RHEB: variants seen among roughly 807,000 people sequenced by gnomAD.
The protein encoded by RHEB is Ras homolog, mTORC1 binding.
RHEB carries 2 observed loss-of-function variants against 28.8 expected under a neutral mutation model. That is an observed-to-expected ratio of 0.07 (90% CI 0.03 to 0.22). RHEB has a LOEUF of 0.22. Ranked by LOEUF, RHEB falls within the 10% of genes least tolerant of loss-of-function variation. The pLI, the probability that RHEB is intolerant of heterozygous loss-of-function variation, is 1.00. For synonymous variants in RHEB, 69 were observed against 77.3 expected (o/e 0.89, Z 0.56); for missense variants, 76 against 219.9 (o/e 0.35, Z 4.14).
intron 1 of RHEB, chr7:151,502,488 C>G (rs1225621356): frequency 2.0e-5 from 18 of 902,832 alleles, no homozygotes; most frequent in Non-Finnish European, 3.2e-5. Context: ...ACAACTGTAA[C>G]AGAAGAAGGA....
intron 1 of RHEB, among the ~76,000 whole-genome samples, chr7:151,518,591 C>T (rs1803122651): frequency 6.6e-6 from 1 of 152,206 alleles, no homozygotes; most frequent in African/African-American, 2.4e-5. Context: ...CAGAAAACCG[C>T]TCGTTCTGTA....
At chr7:151,482,039 A>G (rs947377516) in intron 3 of RHEB, among the ~76,000 whole-genome samples, 1 of 152,244 alleles carries the variant, frequency 6.6e-6, no homozygotes, top group Non-Finnish European at 1.5e-5. Context: ...AAATCTTTTC[A>G]AAGACAGCTC....
intron 1 of RHEB, among the ~76,000 whole-genome samples, chr7:151,505,375 C>A (rs889379810): frequency 6.6e-5 from 10 of 152,284 alleles, no homozygotes; most frequent in African/African-American, 2.4e-4. Flanking sequence ...ACTTCACAAA[C>A]CAAGATATCC....
chr7:151,478,876 C>A (rs1802323047), intron 3 of RHEB, among the ~76,000 whole-genome samples: 1 of 152,080 alleles, frequency 6.6e-6, no homozygotes, highest in Non-Finnish European at 1.5e-5. Flanking sequence ...CTCAGGTGAT[C>A]CGCTTGCCTT....
At chr7:151,503,470 GTC>G in intron 1 of RHEB, 2 of 1,104,466 alleles carry the variant, frequency 1.8e-6, no homozygotes, top group South Asian at 2.5e-5. Flanking sequence ...CTAGACATGA[GTC>G]TGGCAAAACG....
At chr7:151,511,797 C>T (rs1382237596) in intron 1 of RHEB, among the ~76,000 whole-genome samples, 2 of 151,994 alleles carry the variant, frequency 1.3e-5, no homozygotes, top group East Asian at 3.9e-4. Context: ...ATTACAGGCG[C>T]CCACCACCAC....
At chr7:151,496,658 G>A (rs73478509) in intron 1 of RHEB, among the ~76,000 whole-genome samples, 1,676 of 152,252 alleles carry the variant, frequency 0.011, 30 homozygotes, top group African/African-American at 0.038. Flanking sequence ...ATCTCCACCA[G>A]GTTTCTTTCT....
At chr7:151,473,164 C>T (rs778407297) in intron 4 of RHEB, among the ~76,000 whole-genome samples, 10 of 152,184 alleles carry the variant, frequency 6.6e-5, no homozygotes, top group East Asian at 1.9e-4. Context: ...GTCCCTTTTG[C>T]GGTTAGGTTA....
At chr7:151,475,787 T>C (rs902429228) in intron 4 of RHEB, among the ~76,000 whole-genome samples, 2 of 152,164 alleles carry the variant, frequency 1.3e-5, no homozygotes, top group African/African-American at 4.8e-5. Context: ...TATAAAGCCA[T>C]TTACTATTTC....
chr7:151,489,173 T>C (rs890274557), intron 2 of RHEB, among the ~76,000 whole-genome samples: 2 of 152,236 alleles, frequency 1.3e-5, no homozygotes, highest in African/African-American at 4.8e-5. Flanking sequence ...AAGAAAACAA[T>C]CTTCTATTGT....
At chr7:151,483,252 T>C (rs1234055717) in intron 3 of RHEB, among the ~76,000 whole-genome samples, 4 of 152,200 alleles carry the variant, frequency 2.6e-5, no homozygotes, top group Admixed American at 2.6e-4. Flanking sequence ...TTTCCTTCTA[T>C]GTTTACTTCA....
chr7:151,502,365 A>C (rs1802788143), intron 1 of RHEB: 2 of 821,880 alleles, frequency 2.4e-6, no homozygotes, highest in African/African-American at 1.7e-5. Flanking sequence ...ACTGCATCTA[A>C]CATTAAGGCA....
At chr7:151,480,968 ATC>A in intron 3 of RHEB, among the ~76,000 whole-genome samples, 1 of 152,068 alleles carries the variant, frequency 6.6e-6, no homozygotes, top group Non-Finnish European at 1.5e-5. Flanking sequence ...ACAGGTGTGA[ATC>A]TAAGTTATTA....
intron 1 of RHEB, among the ~76,000 whole-genome samples, chr7:151,517,301 G>C (rs1803098486): frequency 1.3e-5 from 2 of 151,508 alleles, no homozygotes; most frequent in South Asian, 4.2e-4. Flanking sequence ...CCGGGGCGTG[G>C]AGGATGCAGT....
In RHEB at chr7:151,467,027, A is replaced by G. The variant is rs563918409; in HGVS notation, c.*92T>C. 115 of 909,160 alleles carry G rather than the reference A, an allele frequency of 1.3e-4. 4 individuals carry two copies. The South Asian group carries it at 1.3e-3, about 10-fold the overall frequency. 56.3% of individuals were successfully genotyped at this position (909,160 alleles called of 1,614,324 possible). A position where few individuals can be genotyped will look rare whatever the true frequency, so the allele number is the denominator to read the frequency against. On this transcript the variant is annotated 3_prime_UTR_variant, in exon 8 of 8. Coordinates refer to ENST00000262187, the MANE Select transcript of RHEB (RefSeq NM_005614.4). Reference sequence around the variant, plus strand: ...ATGATATCTTTCAGGTTAACAGAAGAAAAAAGAAGCATAGTTTATCTTCAA... The same window carrying G: ...ATGATATCTTTCAGGTTAACAGAAGGAAAAAGAAGCATAGTTTATCTTCAA...
intron 3 of RHEB, among the ~76,000 whole-genome samples, chr7:151,479,682 C>CA (rs10690355): frequency 0.56 from 63,025 of 112,922 alleles, 16,103 homozygotes; most frequent in South Asian, 0.68. Context: ...GACTCCGTCT[C>CA]AAAAAAAAAA....
chr7:151,471,242 T>G (rs1484097152), intron 6 of RHEB, 152 bp downstream of exon 6: 2 of 603,196 alleles, frequency 3.3e-6, no homozygotes, highest in Non-Finnish European at 5.9e-6. Flanking sequence ...GTGAGATTTC[T>G]ATTCCACTTT....
chr7:151,500,084 G>A (rs900080563), intron 1 of RHEB, among the ~76,000 whole-genome samples: 2 of 152,154 alleles, frequency 1.3e-5, no homozygotes, highest in Admixed American at 1.3e-4. Flanking sequence ...TTATGGGTGT[G>A]AACCCACTGT....
At chr7:151,479,190 T>C (rs1033705872) in intron 3 of RHEB, among the ~76,000 whole-genome samples, 1 of 152,130 alleles carries the variant, frequency 6.6e-6, no homozygotes, top group African/African-American at 2.4e-5. Context: ...ATGATAATAT[T>C]GGCATTTCAA....
Sources: gnomAD v4.1 joint callset for allele counts (sites outside exome capture counted in the v4.1 genomes callset) on GRCh38, gnomAD v4.1.1 for gene constraint, MANE v1.5 for transcripts, NCBI Gene and HGNC (gene_info 2026-07-23, HGNC 2026-07-21) for gene names.